The following MCFD2 variants were observed in gnomAD, a reference collection of about 807,000 sequenced individuals.
The protein encoded by MCFD2 is multiple coagulation factor deficiency 2, ER cargo receptor complex subunit.
Under a neutral mutation model 12.8 loss-of-function variants are expected in MCFD2, and 11 were observed. The ratio of observed to expected loss-of-function variants is 0.86; its 90% confidence interval spans 0.54 to 1.42. MCFD2 has a LOEUF of 1.42. Ranked by LOEUF, MCFD2 falls within the 40% of genes most tolerant of loss-of-function variation. MCFD2 has a pLI of 0.00. For missense variants in MCFD2, 191 were observed against 178.6 expected (o/e 1.07, Z -0.40); for synonymous variants, 70 against 68.1 (o/e 1.03, Z -0.14).
intron 1 of MCFD2, among the ~76,000 whole-genome samples, chr2:46,938,966 G>A (rs186084721): frequency 1.7e-4 from 25 of 150,616 alleles, no homozygotes; most frequent in Non-Finnish European, 3.1e-4. Context: ...AGCTGAGATC[G>A]TGCCACTGCA....
chr2:46,907,782 C>T lies in MCFD2; in HGVS notation c.309+28G>A, dbSNP rs754715519. 1 of 1,612,018 alleles carries T rather than the reference C, an allele frequency of 6.2e-7. No homozygotes were observed. Among genetic ancestry groups the T allele is most frequent in the Non-Finnish European group, 8.5e-7 (1 of 1,178,376 alleles). On this transcript the variant is annotated intron_variant, in intron 3 of 3. Transcript: ENST00000319466. This position sits in a 1 kb window ranked among gnomAD's most constrained non-coding sequence, Gnocchi z 4.1. ...AACAAAGGGAAGCCTTTCTGTGATACAGTCCCCCAAGCCACTGCCAGACCT... is the reference window on the plus strand; with the variant it reads ...AACAAAGGGAAGCCTTTCTGTGATATAGTCCCCCAAGCCACTGCCAGACCT...
In MCFD2 at chr2:46,907,756, T is replaced by G; in HGVS notation, c.309+54A>C. Reference sequence around the variant, plus strand: ...AAGTCAACAAGACTGGGGACCAAATTAACAAAGGGAAGCCTTTCTGTGATA... The same window carrying G: ...AAGTCAACAAGACTGGGGACCAAATGAACAAAGGGAAGCCTTTCTGTGATA... On this transcript the variant is annotated intron_variant, in intron 3 of 3. Coordinates refer to ENST00000319466, the MANE Select transcript of MCFD2 (RefSeq NM_139279.6). The surrounding 1 kb of genome is among the most constrained non-coding windows in gnomAD (Gnocchi z 4.1). The G allele has an allele frequency of 3.8e-6, 6 of 1,591,084 alleles. No individual in the cohort carries two copies. In the South Asian group the frequency reaches 4.4e-5, roughly 12 times the overall value.
At chr2:46,912,856 C>T (rs1159841579) in intron 1 of MCFD2, among the ~76,000 whole-genome samples, 4 of 152,166 alleles carry the variant, frequency 2.6e-5, no homozygotes, top group Non-Finnish European at 5.9e-5. Flanking sequence ...CCTTGGGGAG[C>T]TGGGGGGATT....
At position 46,907,680 on chromosome 2, in the gene MCFD2, A is replaced by C; in HGVS notation, c.309+130T>G. On this transcript the variant is annotated intron_variant, in intron 3 of 3. Transcript: ENST00000319466. This position sits in a 1 kb window ranked among gnomAD's most constrained non-coding sequence, Gnocchi z 4.1. ...CCAAAGTGCTGGGATTACAGATGCG[A>C]GCCATCATGCCCAGTGGAGAAGCAG... The C allele has an allele frequency of 9.8e-7, 1 of 1,015,572 alleles. No homozygotes were observed. The highest frequency in any genetic ancestry group is 1.5e-6 in the Non-Finnish European group (1 of 658,922). 62.9% of individuals were successfully genotyped at this position (1,015,572 alleles called of 1,614,324 possible).
chr2:46,940,253 G>GC lies in MCFD2; in HGVS notation c.-8+1318_-8+1319insG, dbSNP rs1252483577. 6.6e-6 allele frequency among the ~76,000 whole-genome samples: 1 copy of GC among 152,180 alleles called. No homozygotes were observed. Among genetic ancestry groups the GC allele is most frequent in the African/African-American group, 2.4e-5 (1 of 41,450 alleles). On this transcript the variant is annotated intron_variant, in intron 1 of 2. Coordinates refer to the MCFD2 transcript ENST00000409147. The surrounding 1 kb of genome is among the most constrained non-coding windows in gnomAD (Gnocchi z 4.7). ...ACGTGGAGCACCTTCTAACTCTTAG[G>GC]AGTCTGCTCAAAAGTTTGCCCTGAC...
intron 1 of MCFD2, among the ~76,000 whole-genome samples, chr2:46,931,357 C>T (rs1460793307): frequency 2.6e-5 from 4 of 152,248 alleles, no homozygotes; most frequent in African/African-American, 7.2e-5. Flanking sequence ...AAGTGCTGGG[C>T]TTACAGCCAT....
intron 1 of MCFD2, among the ~76,000 whole-genome samples, chr2:46,931,694 A>G (rs1334421762): frequency 7.2e-6 from 1 of 138,598 alleles, no homozygotes; most frequent in Non-Finnish European, 1.6e-5. Flanking sequence ...ACAGACAATA[A>G]TAAATAAATA....
upstream of MCFD2, among the ~76,000 whole-genome samples, chr2:46,918,281 T>C (rs1261568938): frequency 2.0e-5 from 3 of 152,242 alleles, no homozygotes; most frequent in African/African-American, 7.2e-5. Flanking sequence ...ATTTATCTCA[T>C]CCCTTTACCT....
intron 1 of MCFD2, among the ~76,000 whole-genome samples, chr2:46,914,720 A>G (rs1668633248): frequency 6.6e-6 from 1 of 152,194 alleles, no homozygotes; most frequent in South Asian, 2.1e-4. Flanking sequence ...GTACCACGAA[A>G]TCCCCAACTG....
At chr2:46,915,932 T>C (rs1013056351), upstream of MCFD2, 1 of 984,818 alleles carries the variant, frequency 1.0e-6, no homozygotes, top group Admixed American at 6.2e-5. Context: ...TGAGTCCACG[T>C]GTAATCGGCC....
In MCFD2 at chr2:46,908,414, C is replaced by T; in HGVS notation, c.150-445G>A. ...TAGCTGGGACCATAGGCATGTACTG[C>T]CACATCCAGCTAATTTTTTGCAATT... On this transcript the variant is annotated intron_variant, in intron 2 of 3. Transcript: ENST00000319466. This position sits in a 1 kb window ranked among gnomAD's most constrained non-coding sequence, Gnocchi z 4.5. 1 of 273,088 alleles carries T rather than the reference C, an allele frequency of 3.7e-6. No individual in the cohort carries two copies. Among genetic ancestry groups the T allele is most frequent in the South Asian group, 3.8e-5 (1 of 26,492 alleles). 16.9% of individuals were successfully genotyped at this position (273,088 alleles called of 1,614,324 possible). A position where few individuals can be genotyped will look rare whatever the true frequency, so the allele number is the denominator to read the frequency against.
chr2:46,908,586 T>G lies in MCFD2; in HGVS notation c.149+437A>C. ...GCCTTAAAAACAAAGGATAACCGAG[T>G]ATAATGCGTGAGGCTAACTGGCCCA... On this transcript the variant is annotated intron_variant, in intron 2 of 3. Transcript: ENST00000319466. This position sits in a 1 kb window ranked among gnomAD's most constrained non-coding sequence, Gnocchi z 4.5. 1 of 298,496 alleles carries G rather than the reference T, an allele frequency of 3.4e-6. No homozygotes were observed. Among genetic ancestry groups the G allele is most frequent in the African/African-American group, 2.2e-5 (1 of 45,512 alleles). The allele number at this position is 298,496 out of a possible 1,614,324, so 18.5% of individuals were successfully genotyped here. A position where few individuals can be genotyped will look rare whatever the true frequency, so the allele number is the denominator to read the frequency against.
intron 3 of MCFD2, 49 bp from the exon 4 acceptor site, chr2:46,905,643 A>C: frequency 6.3e-7 from 1 of 1,583,544 alleles, no homozygotes; most frequent in Non-Finnish European, 8.6e-7. Flanking sequence ...TTACCGGAAG[A>C]AGTGCTTAAC....
In MCFD2 at chr2:46,907,697, G is replaced by C. The variant is rs1668301440; in HGVS notation, c.309+113C>G. On this transcript the variant is annotated intron_variant, in intron 3 of 3. Transcript: ENST00000319466. The surrounding 1 kb of genome is among the most constrained non-coding windows in gnomAD (Gnocchi z 4.1). ...CAGATGCGAGCCATCATGCCCAGTG[G>C]AGAAGCAGCACTCTTGGCACATAAG... 2.6e-6 allele frequency: 3 copies of C among 1,167,480 alleles called. No individual in the cohort carries two copies. In the Admixed American group the frequency reaches 5.2e-5, roughly 20 times the overall value. The allele number at this position is 1,167,480 out of a possible 1,614,324, so 72.3% of individuals were successfully genotyped here. A position where few individuals can be genotyped will look rare whatever the true frequency, so the allele number is the denominator to read the frequency against.
upstream of MCFD2, among the ~76,000 whole-genome samples, chr2:46,920,486 C>G (rs775877213): frequency 2.6e-5 from 4 of 151,782 alleles, no homozygotes; most frequent in Admixed American, 2.0e-4. Flanking sequence ...ACAACCACCA[C>G]GCCCAGCTAA....
intron 1 of MCFD2, among the ~76,000 whole-genome samples, chr2:46,938,525 A>G (rs1293016569): frequency 6.6e-6 from 1 of 152,196 alleles, no homozygotes; most frequent in Admixed American, 6.5e-5. Context: ...GAATGGAGTT[A>G]CCACATGACA....
intron 1 of MCFD2, among the ~76,000 whole-genome samples, chr2:46,929,623 C>T (rs548110735): frequency 1.1e-4 from 17 of 152,160 alleles, no homozygotes; most frequent in South Asian, 6.2e-4. Context: ...ATAGCTAACA[C>T]GGGGGTACAG....
At chr2:46,932,816 G>T (rs1288761150) in intron 1 of MCFD2, among the ~76,000 whole-genome samples, 1 of 149,240 alleles carries the variant, frequency 6.7e-6, no homozygotes, top group Admixed American at 6.8e-5. Context: ...CAGGAGGATC[G>T]CTTGAACCCA....
intron 1 of MCFD2, among the ~76,000 whole-genome samples, chr2:46,938,829 T>C (rs964659571): frequency 1.3e-5 from 2 of 151,410 alleles, no homozygotes; most frequent in South Asian, 4.2e-4. Context: ...CTGGCCAACA[T>C]AGTGAAACCC....
Sources: allele counts gnomAD v4.1 joint callset (sites outside exome capture counted in the v4.1 genomes callset), GRCh38; gene constraint gnomAD v4.1.1; non-coding constraint Gnocchi (gnomAD v3.1); transcripts MANE v1.5; gene names NCBI Gene and HGNC (gene_info 2026-07-23, HGNC 2026-07-21).